Variants in FOXP4 observed in about 807,000 individuals in gnomAD.
FOXP4 encodes the protein forkhead box P4.
Under a neutral mutation model 82.6 loss-of-function variants are expected in FOXP4, and 25 were observed. The ratio of observed to expected loss-of-function variants is 0.30; its 90% CI spans 0.22 to 0.42. The LOEUF is 0.42. Among genes scored for constraint, FOXP4 ranks in the 10% least tolerant of loss-of-function variants. The pLI is 1.00. For synonymous variants in FOXP4, 415 were observed against 388.2 expected (o/e 1.07, Z -0.81); for missense variants, 785 against 900.9 (o/e 0.87, Z 1.65).
In FOXP4 at chr6:41,565,673, T is replaced by TG. The variant is rs1312535102; in HGVS notation, c.-16-67dup. On this transcript the variant is annotated intron_variant, in intron 1 of 16. Coordinates refer to ENST00000307972, the MANE Select transcript of FOXP4 (RefSeq NM_001012426.2). ...ACTCCTGTGGCGATGGTTATGTTTT[T>TG]GGGGGTCAGCAGTCACTGCCCTTTC... The TG allele has an allele frequency of 3.6e-6, 5 of 1,382,526 alleles. No homozygotes were observed. In the East Asian group the frequency reaches 7.0e-5, roughly 19 times the overall value. 85.6% of individuals were successfully genotyped at this position (1,382,526 alleles called of 1,614,324 possible). A position where few individuals can be genotyped will look rare whatever the true frequency, so the allele number is the denominator to read the frequency against.
rs1311280289 is a variant in FOXP4 at position 41,577,982 on chromosome 6, G to A, written c.205-4G>A. On this transcript the variant is annotated splice_polypyrimidine_tract_variant and splice_region_variant and intron_variant, in intron 2 of 16. Coordinates refer to ENST00000307972, the MANE Select transcript of FOXP4 (RefSeq NM_001012426.2). ...CCATTGCTGACTCAGCCCCTGTCTT[G>A]CAGGCTCTCCAAGTGGCCCGGCAGT... The A allele has an allele frequency of 6.2e-7, 1 of 1,610,886 alleles. No individual in the cohort carries two copies. The highest frequency in any genetic ancestry group is 1.7e-5 in the Admixed American group (1 of 59,968).
chr6:41,573,129 C>T (rs1049737442), intron 2 of FOXP4, among the ~76,000 whole-genome samples: 3 of 152,144 alleles, frequency 2.0e-5, no homozygotes, highest in Admixed American at 6.5e-5. Context: ...CCCTCCTGCA[C>T]ACACAGAGAA....
At chr6:41,586,299 G>A (rs1178518799) in intron 5 of FOXP4, among the ~76,000 whole-genome samples, 1 of 149,118 alleles carries the variant, frequency 6.7e-6, no homozygotes, top group African/African-American at 2.4e-5. Flanking sequence ...CCCACCCCCA[G>A]CAGGCAGGCA....
chr6:41,583,233 G>A (rs1403352250), intron 3 of FOXP4, among the ~76,000 whole-genome samples: 1 of 152,240 alleles, frequency 6.6e-6, no homozygotes, highest in Non-Finnish European at 1.5e-5. Context: ...AGCGAGAGGT[G>A]TTGGGAGCCA....
Position 41,588,750 on chromosome 6 carries a change from T to TG in FOXP4, c.1065+23dup, listed in dbSNP as rs1479057494. 8 of 1,612,632 alleles carry TG rather than the reference T, an allele frequency of 5.0e-6. No homozygotes were observed. In the East Asian group the frequency reaches 1.6e-4, roughly 31 times the overall value. ...GATCCAGGTGTGGCCCGGAAGATGC[T>TG]GGGGAGGGACATGGTGGGCTCCAGC... On this transcript the variant is annotated intron_variant, in intron 9 of 16. Coordinates refer to ENST00000307972, the MANE Select transcript of FOXP4 (RefSeq NM_001012426.2).
intron 12 of FOXP4, among the ~76,000 whole-genome samples, 189 bp downstream of exon 12, chr6:41,590,536 A>G (rs72859000): frequency 0.079 from 12,091 of 152,138 alleles, 558 homozygotes; most frequent in Middle Eastern, 0.1. Flanking sequence ...AGCCTGCTGC[A>G]TAGGGTTATG....
Position 41,578,190 on chromosome 6 carries a change from A to G in FOXP4, c.300+109A>G, listed in dbSNP as rs894442869. On this transcript the variant is annotated intron_variant, in intron 3 of 16. Coordinates refer to ENST00000307972, the MANE Select transcript of FOXP4 (RefSeq NM_001012426.2). ...ACTGCTCTTGCCAGTTCCAACACCA[A>G]AAAGTGGGCAACTTTTCAAAGGAAA... 1.2e-5 allele frequency: 10 copies of G among 864,454 alleles called. No homozygotes were observed. In the Admixed American group the frequency reaches 2.7e-4, roughly 23 times the overall value. 53.5% of individuals were successfully genotyped at this position (864,454 alleles called of 1,614,324 possible).
At chr6:41,578,912 A>G (rs1237837162) in intron 3 of FOXP4, among the ~76,000 whole-genome samples, 1 of 151,964 alleles carries the variant, frequency 6.6e-6, no homozygotes, top group African/African-American at 2.4e-5. Flanking sequence ...GGATTAAGCC[A>G]GGCTTTGAAA....
rs2127408152 is a variant in FOXP4, at chr6:41,597,121, C to T, written c.1659-55C>T. ...GTTACTTAGTGAGAGTAAAGAGATG[C>T]GAATGAAGAGCTAAGTGAATGAGTG... On this transcript the variant is annotated intron_variant, in intron 14 of 16. Transcript: ENST00000307972. The T allele has an allele frequency of 6.4e-6, 10 of 1,569,322 alleles. No homozygotes were observed. In the East Asian group the frequency reaches 9.0e-5, roughly 14 times the overall value.
At chr6:41,583,114 C>T (rs971121679) in intron 3 of FOXP4, among the ~76,000 whole-genome samples, 7 of 152,174 alleles carry the variant, frequency 4.6e-5, no homozygotes, top group Non-Finnish European at 8.8e-5. Flanking sequence ...ACATGGTATG[C>T]CCATGACTAA....
chr6:41,592,012 T>G (rs139595203), intron 13 of FOXP4, among the ~76,000 whole-genome samples: 8 of 151,854 alleles, frequency 5.3e-5, no homozygotes, highest in Non-Finnish European at 8.8e-5. Flanking sequence ...TGTGTCTGTC[T>G]GTCTGTCTCA....
intron 1 of FOXP4, among the ~76,000 whole-genome samples, chr6:41,551,707 T>A (rs946521690): frequency 2.6e-5 from 4 of 152,158 alleles, no homozygotes; most frequent in African/African-American, 7.2e-5. Context: ...TTGTTCAAGG[T>A]AGGCAGGACT....
chr6:41,596,841 G>T (rs114553658), intron 14 of FOXP4, among the ~76,000 whole-genome samples: 1 of 152,004 alleles, frequency 6.6e-6, no homozygotes, highest in Non-Finnish European at 1.5e-5. Context: ...AATCTAGACC[G>T]GAGAGAAAAC....
chr6:41,581,029 C>G (rs536162333), intron 3 of FOXP4, among the ~76,000 whole-genome samples: 1 of 152,210 alleles, frequency 6.6e-6, no homozygotes, highest in African/African-American at 2.4e-5. Flanking sequence ...CACAGGTGGC[C>G]GAGAGTTGAG....
At position 41,558,086 on chromosome 6, in the gene FOXP4, C is replaced by T. The variant is rs1412520077; in HGVS notation, c.-16-7659C>T. Among the ~76,000 whole-genome samples the T allele has an allele frequency of 1.3e-5, 2 of 152,080 alleles. No individual in the cohort carries two copies. Among genetic ancestry groups the T allele is most frequent in the African/African-American group, 2.4e-5 (1 of 41,394 alleles). ...GAGACTCCCAGGCCAGGAACTCAGG[C>T]AGAGATGGGGGTACAGAGGGAAGTC... On this transcript the variant is annotated intron_variant, in intron 1 of 16. Coordinates refer to ENST00000307972, the MANE Select transcript of FOXP4 (RefSeq NM_001012426.2). The surrounding 1 kb of genome is among the most constrained non-coding windows in gnomAD (Gnocchi z 4.0).
intron 2 of FOXP4, among the ~76,000 whole-genome samples, chr6:41,575,939 A>T (rs902522687): frequency 1.3e-5 from 2 of 151,836 alleles, no homozygotes; most frequent in Non-Finnish European, 2.9e-5. Context: ...CCACCTTTGG[A>T]GGACAAAGAG....
chr6:41,598,418 G>T (rs553977760), intron 16 of FOXP4, among the ~76,000 whole-genome samples: 1 of 151,826 alleles, frequency 6.6e-6, no homozygotes, highest in Non-Finnish European at 1.5e-5. Context: ...GGGTTTCACC[G>T]TGCTGGCCAG....
rs6920720 is a variant in FOXP4, at chr6:41,593,616, G to A, written c.1537-1254G>A. Among the ~76,000 whole-genome samples, 14,946 of 152,280 alleles carry A rather than the reference G, an allele frequency of 0.098. 820 individuals are homozygous for A. Among genetic ancestry groups the A allele is most frequent in the Non-Finnish European group, 0.12 (8,066 of 68,004 alleles). ...TTGCAAAGCGGAGGATCGGAGCCCC[G>A]TAATGCGGGCAAATTTATTCCGAGG... On this transcript the variant is annotated intron_variant, in intron 13 of 16. Coordinates refer to ENST00000307972, the MANE Select transcript of FOXP4 (RefSeq NM_001012426.2). The surrounding 1 kb of genome is among the most constrained non-coding windows in gnomAD (Gnocchi z 4.1).
At chr6:41,596,373 T>C (rs2127407044) in intron 14 of FOXP4, among the ~76,000 whole-genome samples, 1 of 152,258 alleles carries the variant, frequency 6.6e-6, no homozygotes, top group African/African-American at 2.4e-5. Context: ...GCAAGTTAGA[T>C]GGATGTCTCT....
Sources: gnomAD v4.1 joint callset for allele counts (sites outside exome capture counted in the v4.1 genomes callset) on GRCh38, gnomAD v4.1.1 for gene constraint, Gnocchi (gnomAD v3.1) non-coding constraint, MANE v1.5 for transcripts, NCBI Gene and HGNC (gene_info 2026-07-23, HGNC 2026-07-21) for gene names.